SPATA31H1: variants seen among roughly 807,000 people sequenced by gnomAD.
SPATA31H1 encodes spermatogenesis-associated protein 31H1.
chr2:27,581,678 T>C, the SPATA31H1 span: 2 of 1,612,250 alleles, frequency 1.2e-6, no homozygotes, highest in Admixed American at 1.7e-5. Context: ...AGAGGAGCCA[T>C]CGTGGTCCCT....
chr2:27,555,515 CA>C, the SPATA31H1 span, among the ~76,000 whole-genome samples: 10 of 149,272 alleles, frequency 6.7e-5, no homozygotes, highest in African/African-American at 1.7e-4. Context: ...CTCCAAAAAC[CA>C]AAAAAAAACT....
the SPATA31H1 span, among the ~76,000 whole-genome samples, chr2:27,555,533 G>A: frequency 9.2e-5 from 14 of 151,942 alleles, no homozygotes; most frequent in African/African-American, 3.1e-4. Flanking sequence ...AACTGGCTGG[G>A]TGTGGTGGTG....
the SPATA31H1 span, chr2:27,576,312 A>G: frequency 1.4e-5 from 6 of 439,004 alleles, no homozygotes; most frequent in African/African-American, 1.2e-4. Flanking sequence ...ATTTCAAGAT[A>G]TAACACCAAA....
At chr2:27,566,069 G>C in the SPATA31H1 span, 1 of 717,480 alleles carries the variant, frequency 1.4e-6, no homozygotes, top group Non-Finnish European at 2.6e-6. Context: ...AAAACCTCAG[G>C]ATGGCTTGCA....
the SPATA31H1 span, among the ~76,000 whole-genome samples, chr2:27,560,977 G>A: frequency 6.6e-6 from 1 of 152,152 alleles, no homozygotes; most frequent in East Asian, 1.9e-4. Context: ...AGTTACCCAA[G>A]GTTAGGAGTG....
chr2:27,542,229 T>G, the SPATA31H1 span, among the ~76,000 whole-genome samples: 1 of 151,746 alleles, frequency 6.6e-6, no homozygotes, highest in African/African-American at 2.4e-5. Context: ...AAACCCCATC[T>G]CTACTAAAAA....
At chr2:27,576,522 G>A in the SPATA31H1 span, 76 of 1,412,246 alleles carry the variant, frequency 5.4e-5, no homozygotes, top group Middle Eastern at 3.7e-4. Context: ...GTCACAATGC[G>A]TTAAATCTGT....
chr2:27,581,484 C>T, the SPATA31H1 span: 1 of 1,612,538 alleles, frequency 6.2e-7, no homozygotes, highest in Non-Finnish European at 8.5e-7. Context: ...TCAGAGGAGC[C>T]ATCGCGGTCC....
At chr2:27,554,216 C>A in the SPATA31H1 span, among the ~76,000 whole-genome samples, 2 of 152,040 alleles carry the variant, frequency 1.3e-5, no homozygotes, top group Non-Finnish European at 2.9e-5. Context: ...GAGCCCTCAG[C>A]AGCATCACCC....
the SPATA31H1 span, chr2:27,580,009 T>C: frequency 6.2e-7 from 1 of 1,614,186 alleles, no homozygotes; most frequent in Non-Finnish European, 8.5e-7. Flanking sequence ...TATCTTCTTA[T>C]CTATCCACAG....
At chr2:27,540,605 G>C in the SPATA31H1 span, among the ~76,000 whole-genome samples, 1 of 142,998 alleles carries the variant, frequency 7.0e-6, no homozygotes, top group Non-Finnish European at 1.5e-5. Flanking sequence ...GGTGGCTGCC[G>C]GACGGAGGGG....
At chr2:27,566,231 T>C in the SPATA31H1 span, 1 of 710,702 alleles carries the variant, frequency 1.4e-6, no homozygotes, top group Non-Finnish European at 2.6e-6. Context: ...TCTTATTGTT[T>C]TCCTTACTGG....
chr2:27,544,981 A>G, the SPATA31H1 span, among the ~76,000 whole-genome samples: 2 of 151,686 alleles, frequency 1.3e-5, 1 homozygote, highest in African/African-American at 4.9e-5. Flanking sequence ...AGGCTCTGTG[A>G]TCTTATATTT....
the SPATA31H1 span, among the ~76,000 whole-genome samples, chr2:27,547,478 A>C: frequency 1.3e-5 from 2 of 152,076 alleles, no homozygotes; most frequent in African/African-American, 4.8e-5. Flanking sequence ...CCTGGTCCCA[A>C]CTTTGACCTT....
At chr2:27,557,894 G>A in the SPATA31H1 span, among the ~76,000 whole-genome samples, 2 of 25,770 alleles carry the variant, frequency 7.8e-5, no homozygotes, top group African/African-American at 2.9e-4. Flanking sequence ...CCCGGACGGG[G>A]CGGCTGGCCG....
the SPATA31H1 span, chr2:27,573,929 T>C: frequency 5.0e-6 from 2 of 398,554 alleles, no homozygotes; most frequent in Non-Finnish European, 8.8e-6. Flanking sequence ...GTATGAAATC[T>C]GAGGAGTTCA....
chr2:27,580,248 G>C, the SPATA31H1 span: 1 of 1,614,144 alleles, frequency 6.2e-7, no homozygotes, highest in Non-Finnish European at 8.5e-7. Flanking sequence ...CCAGTCCCCT[G>C]CTCCTGTACA....
At chr2:27,544,599 A>T in the SPATA31H1 span, among the ~76,000 whole-genome samples, 1 of 140,166 alleles carries the variant, frequency 7.1e-6, no homozygotes, top group African/African-American at 2.6e-5. Context: ...CAGTGGCGCA[A>T]TCTTGGCTCG....
At chr2:27,578,058 G>A in the SPATA31H1 span, 1 of 1,614,134 alleles carries the variant, frequency 6.2e-7, no homozygotes, top group Non-Finnish European at 8.5e-7. Context: ...GCTTCAAGTT[G>A]CTCAATCTGA....
Sources: allele counts gnomAD v4.1 joint callset (sites outside exome capture counted in the v4.1 genomes callset), GRCh38; gene constraint gnomAD v4.1.1; transcripts MANE v1.5; gene names NCBI Gene and HGNC (gene_info 2026-07-23, HGNC 2026-07-21).